PTPRM: variants seen among roughly 807,000 people sequenced by gnomAD.
PTPRM encodes receptor-type tyrosine-protein phosphatase mu.
A neutral mutation model predicts 186.7 loss-of-function variants in PTPRM; 47 were observed. The observed-to-expected ratio is 0.25, with a 90% CI of 0.20 to 0.32. The LOEUF (loss-of-function observed/expected upper bound fraction) is 0.32. Among genes scored for constraint, PTPRM ranks in the 10% least tolerant of loss-of-function variants. The pLI is 1.00. For missense variants in PTPRM, 1,494 were observed against 1,865.0 expected, an observed-to-expected ratio of 0.80 and a Z score of 3.66; for synonymous variants, 668 against 674.9, an observed-to-expected ratio of 0.99 and a Z score of 0.16.
chr18:8,111,379 G>A (rs868026187), intron 11 of PTPRM, among the ~76,000 whole-genome samples: 2 of 152,140 alleles, frequency 1.3e-5, no homozygotes, highest in Admixed American at 6.5e-5. Context: ...TTGGGAGGCC[G>A]AGGCGGGCGG....
rs918236846 is a variant in PTPRM, at chr18:8,138,376, C to T, written c.2168-5271C>T. On this transcript the variant is annotated intron_variant, in intron 13 of 32. Transcript: ENST00000580170. Reference sequence around the variant, plus strand: ...TGGCCCACCTTCCCCTTCTCTCTCACGCCTTAGCCCCCTTCCAACCCTGTC... The same window carrying T: ...TGGCCCACCTTCCCCTTCTCTCTCATGCCTTAGCCCCCTTCCAACCCTGTC... Among the ~76,000 whole-genome samples, 13 of 152,238 alleles carry T rather than the reference C, an allele frequency of 8.5e-5. No homozygotes were observed. The South Asian group carries it at 1.7e-3, about 19-fold the overall frequency.
chr18:7,898,892 T>G (rs2049511616), intron 3 of PTPRM, among the ~76,000 whole-genome samples: 1 of 152,216 alleles, frequency 6.6e-6, no homozygotes. Context: ...CTGAACTACT[T>G]CTATAGGAAA....
intron 1 of PTPRM, among the ~76,000 whole-genome samples, chr18:7,626,143 C>A (rs576877262): frequency 1.3e-5 from 2 of 152,348 alleles, no homozygotes; most frequent in South Asian, 4.1e-4. Flanking sequence ...AGGAAAGGCT[C>A]TGTAGCCCCG....
intron 29 of PTPRM, among the ~76,000 whole-genome samples, chr18:8,382,089 C>G (rs370691498): frequency 6.6e-6 from 1 of 152,164 alleles, no homozygotes; most frequent in African/African-American, 2.4e-5. Flanking sequence ...AAAAGAGGCT[C>G]CTGGGATTCA....
chr18:7,769,522 T>G (rs868246556), intron 1 of PTPRM, among the ~76,000 whole-genome samples: 2 of 152,332 alleles, frequency 1.3e-5, no homozygotes, highest in Admixed American at 6.5e-5. Flanking sequence ...AAACTCAAAG[T>G]GAAATCTGTG....
chr18:8,050,276 C>A (rs1310964453), intron 7 of PTPRM, among the ~76,000 whole-genome samples: 1 of 152,136 alleles, frequency 6.6e-6, no homozygotes, highest in African/African-American at 2.4e-5. Context: ...AATGGAAAGG[C>A]TTTATTTCGG....
chr18:7,897,839 A>G (rs919058518), intron 3 of PTPRM, among the ~76,000 whole-genome samples: 2 of 152,052 alleles, frequency 1.3e-5, no homozygotes, highest in African/African-American at 4.8e-5. Flanking sequence ...TGAGTATATG[A>G]CCTATGATTA....
intron 2 of PTPRM, among the ~76,000 whole-genome samples, chr18:7,793,939 A>G (rs1048861980): frequency 5.9e-5 from 9 of 152,172 alleles, no homozygotes; most frequent in Non-Finnish European, 1.2e-4. Flanking sequence ...AGGGGAACAT[A>G]GCGGCAGAAG....
rs1555616950 is a variant in PTPRM at position 7,842,947 on chromosome 18, T to TAGAGAGAGAGAGAGAG, written c.197-45141_197-45126dup. Among the ~76,000 whole-genome samples, 16 of 112,116 alleles carry TAGAGAGAGAGAGAGAG rather than the reference T, an allele frequency of 1.4e-4. No individual in the cohort carries two copies. The East Asian group carries it at 3.7e-3, about 26-fold the overall frequency. 73.6% of individuals were successfully genotyped at this position (112,116 alleles called of 152,430 possible). ...GTGTGTGTGTATATATATATATATATAGAGAGAGAGAGAGAGAGAGAGAGA... is the reference window on the plus strand; with the variant it reads ...GTGTGTGTGTATATATATATATATATAGAGAGAGAGAGAGAGAGAGAGAGAGAGAGAGAGAGAGAGA... On this transcript the variant is annotated intron_variant, in intron 2 of 32. Coordinates refer to ENST00000580170, the MANE Select transcript of PTPRM (RefSeq NM_001105244.2).
rs999571233 is a variant in PTPRM, at chr18:8,343,488, A to G, written c.3022A>G (p.Ile1008Val). 1.2e-6 allele frequency: 2 copies of G among 1,614,090 alleles called. No individual in the cohort carries two copies. The highest frequency in any genetic ancestry group is 8.5e-7 in the Non-Finnish European group (1 of 1,179,980). The change falls in exon 23 of 33, where the codon ATC becomes GTC. Residue 1008 changes from isoleucine (I) to valine (V), a missense_variant. By Grantham distance (29) the Ile-to-Val change is conservative. Around this residue, in one of 3 missense-constraint regions of PTPRM, gnomAD observed 1,107 missense variants for 1,350.2 expected, o/e 0.82. Coordinates refer to ENST00000580170, the MANE Select transcript of PTPRM (RefSeq NM_001105244.2). ...GTGGCACGAAAACACTGCAAGTATC[A>G]TCATGGTGACCAATCTTGTGGAAGT... ...MVWHENTASI[I>V]MVTNLVEVGR...
chr18:8,017,613 C>A (rs1364232292), intron 7 of PTPRM, among the ~76,000 whole-genome samples: 2 of 141,490 alleles, frequency 1.4e-5, no homozygotes, highest in Non-Finnish European at 3.1e-5. Context: ...AAAATTAGAG[C>A]GTCCTCAGTG....
At chr18:7,696,529 C>G (rs963323497) in intron 1 of PTPRM, among the ~76,000 whole-genome samples, 1 of 152,150 alleles carries the variant, frequency 6.6e-6, no homozygotes, top group Non-Finnish European at 1.5e-5. Context: ...TGTAGAGGTG[C>G]AAATGTACCA....
At chr18:8,247,765 C>A in intron 15 of PTPRM, 80 bp from the exon 16 acceptor site, 1 of 1,019,174 alleles carries the variant, frequency 9.8e-7, no homozygotes, top group Non-Finnish European at 1.5e-6. Flanking sequence ...ATGGAGTCAC[C>A]ATGGGTGGTC....
chr18:8,263,148 G>T (rs544682473), intron 19 of PTPRM, among the ~76,000 whole-genome samples: 1 of 151,896 alleles, frequency 6.6e-6, no homozygotes, highest in South Asian at 2.1e-4. Context: ...TCACTCTGCT[G>T]CCCAGGTTGG....
chr18:7,733,331 T>A (rs960180616), intron 1 of PTPRM, among the ~76,000 whole-genome samples: 1 of 152,078 alleles, frequency 6.6e-6, no homozygotes, highest in Non-Finnish European at 1.5e-5. Flanking sequence ...AATGAGAACA[T>A]GTGGTGTTTG....
At chr18:7,909,755 C>T (rs2050170336) in intron 4 of PTPRM, among the ~76,000 whole-genome samples, 1 of 109,734 alleles carries the variant, frequency 9.1e-6, no homozygotes, top group South Asian at 3.7e-4. Flanking sequence ...TATGAGTAAG[C>T]ATTACAACAT....
chr18:7,943,029 G>C (rs1308642067), intron 5 of PTPRM, among the ~76,000 whole-genome samples: 1 of 152,122 alleles, frequency 6.6e-6, no homozygotes, highest in Non-Finnish European at 1.5e-5. Flanking sequence ...TTGAAGGCTT[G>C]TATCTTTTTC....
intron 7 of PTPRM, among the ~76,000 whole-genome samples, chr18:8,007,931 T>C (rs1208460944): frequency 6.6e-6 from 1 of 152,226 alleles, no homozygotes; most frequent in Non-Finnish European, 1.5e-5. Flanking sequence ...GAGTTCCCCT[T>C]GGTAAGTGCG....
intron 2 of PTPRM, among the ~76,000 whole-genome samples, chr18:7,840,052 G>A (rs896925910): frequency 3.6e-5 from 5 of 138,284 alleles, no homozygotes; most frequent in African/African-American, 5.4e-5. Context: ...TTGCTGATAT[G>A]TGTGTATGGG....
Sources: allele counts gnomAD v4.1 joint callset (sites outside exome capture counted in the v4.1 genomes callset), GRCh38; gene constraint gnomAD v4.1.1; regional missense constraint gnomAD v4.1.1; transcripts MANE v1.5; gene names NCBI Gene and HGNC (gene_info 2026-07-23, HGNC 2026-07-21).